KLF12: variants seen among roughly 807,000 people sequenced by gnomAD.
KLF12 encodes KLF transcription factor 12.
KLF12 carries 9 observed loss-of-function variants against 37.8 expected under a neutral mutation model. The ratio of observed to expected loss-of-function variants is 0.24; its 90% CI spans 0.14 to 0.42. The LOEUF (loss-of-function observed/expected upper bound fraction) is 0.42. Ranked by LOEUF, KLF12 falls within the 10% of genes least tolerant of loss-of-function variation. The pLI, the probability that KLF12 is intolerant of heterozygous loss-of-function variation, is 1.00. For synonymous variants in KLF12, 208 were observed against 202.1 expected (o/e 1.03, Z -0.25); for missense variants, 411 against 516.0 (o/e 0.80, Z 1.97).
At chr13:74,005,722 C>T (rs13378952) in intron 1 of KLF12, among the ~76,000 whole-genome samples, 11,374 of 152,218 alleles carry the variant, frequency 0.075, 648 homozygotes, top group African/African-American at 0.16. Flanking sequence ...AAGAGCCACA[C>T]AAAGGGCATG....
At chr13:73,938,255 A>C (rs1890035833) in intron 3 of KLF12, among the ~76,000 whole-genome samples, 1 of 152,204 alleles carries the variant, frequency 6.6e-6, no homozygotes, top group African/African-American at 2.4e-5. Flanking sequence ...CTAGATCGTT[A>C]GTGTAAAATT....
At chr13:73,719,289 G>A (rs887390282) in intron 6 of KLF12, among the ~76,000 whole-genome samples, 10 of 152,234 alleles carry the variant, frequency 6.6e-5, no homozygotes, top group African/African-American at 2.4e-4. Flanking sequence ...ATCCACAGTC[G>A]GCGGGCACTG....
At chr13:73,994,889 C>G in intron 2 of KLF12, 101 bp downstream of exon 2, 1 of 800,752 alleles carries the variant, frequency 1.2e-6, no homozygotes, top group South Asian at 1.4e-5. Flanking sequence ...ACCTCTGTCT[C>G]GTATTCACAC....
intron 7 of KLF12, among the ~76,000 whole-genome samples, chr13:73,696,185 TC>T (rs1874135833): frequency 1.3e-5 from 2 of 152,054 alleles, no homozygotes; most frequent in Non-Finnish European, 2.9e-5. Context: ...CTCTACTACC[TC>T]CAGATATCAG....
At chr13:73,809,504 T>C (rs544695797) in intron 5 of KLF12, among the ~76,000 whole-genome samples, 1 of 68,606 alleles carries the variant, frequency 1.5e-5, no homozygotes, top group South Asian at 6.8e-4. Flanking sequence ...TAAACCTATG[T>C]ACAGAATTTT....
At position 73,803,772 on chromosome 13, in the gene KLF12, T is replaced by TCACACA. The variant is rs4053528; in HGVS notation, c.806+9374_806+9379dup. Among the ~76,000 whole-genome samples, 833 of 142,026 alleles carry TCACACA rather than the reference T, an allele frequency of 5.9e-3. 3 individuals are homozygous for TCACACA. The highest frequency in any genetic ancestry group is 0.014 in the East Asian group (63 of 4,530). The allele number at this position is 142,026 out of a possible 152,430, so 93.2% of individuals were successfully genotyped here. A position where few individuals can be genotyped will look rare whatever the true frequency, so the allele number is the denominator to read the frequency against. On this transcript the variant is annotated intron_variant, in intron 5 of 7. Transcript: ENST00000377669. ...CTGAGCAGCACAACATACTGCAGAG[T>TCACACA]CACACACACACACACACACACACAC... is the stretch of plus-strand genomic sequence containing the variant.
At chr13:73,729,126 A>G (rs1876874240) in intron 6 of KLF12, among the ~76,000 whole-genome samples, 1 of 152,184 alleles carries the variant, frequency 6.6e-6, no homozygotes, top group Admixed American at 6.5e-5. Context: ...TCATATCACT[A>G]AAGTTTCACG....
chr13:74,215,181 A>C, the KLF12 span, among the ~76,000 whole-genome samples: 1 of 151,850 alleles, frequency 6.6e-6, no homozygotes, highest in East Asian at 1.9e-4. Context: ...TATCATTCGA[A>C]CCCACCTTTT....
intron 6 of KLF12, among the ~76,000 whole-genome samples, chr13:73,758,356 T>C (rs569968026): frequency 6.6e-6 from 1 of 152,304 alleles, no homozygotes; most frequent in East Asian, 1.9e-4. Context: ...TTAAATTTCC[T>C]CTGCTGTATA....
intron 3 of KLF12, among the ~76,000 whole-genome samples, chr13:73,938,410 C>T (rs1020554238): frequency 1.3e-5 from 2 of 152,122 alleles, no homozygotes; most frequent in Admixed American, 6.5e-5. Context: ...CTGCACCCGT[C>T]TATATTTCTT....
In KLF12 at chr13:73,695,444, C is replaced by T. The variant is rs773632605; in HGVS notation, c.*46G>A. On this transcript the variant is annotated 3_prime_UTR_variant, in exon 8 of 8. Coordinates refer to ENST00000377669, the MANE Select transcript of KLF12 (RefSeq NM_007249.5). Reference sequence around the variant, plus strand: ...GATTCAGCCCTGCTGAATTGGGTGCCGCTAAGAGATCCAGCTCTTACGCTC... The same window carrying T: ...GATTCAGCCCTGCTGAATTGGGTGCTGCTAAGAGATCCAGCTCTTACGCTC... 19 of 1,587,930 alleles carry T rather than the reference C, an allele frequency of 1.2e-5. No individual in the cohort carries two copies. The East Asian group carries it at 2.7e-4, about 23-fold the overall frequency.
intron 5 of KLF12, among the ~76,000 whole-genome samples, chr13:73,776,736 C>A (rs1047485045): frequency 3.3e-5 from 5 of 152,112 alleles, no homozygotes; most frequent in African/African-American, 7.2e-5. Context: ...ACTATATTAA[C>A]AAAATAGCCA....
At chr13:74,154,418 T>C in the KLF12 span, among the ~76,000 whole-genome samples, 2 of 152,240 alleles carry the variant, frequency 1.3e-5, no homozygotes, top group Non-Finnish European at 2.9e-5. Context: ...GTTCGATTTT[T>C]GTTTATATAC....
At position 74,000,468 on chromosome 13, in the gene KLF12, G is replaced by A. The variant is rs568620812; in HGVS notation, c.-31-5415C>T. ...TAAAGATCCCCTTGGAATTCTGTTC[G>A]TTGCATAAGTCGACTTAAAATACTT... is the stretch of plus-strand genomic sequence containing the variant. On this transcript the variant is annotated intron_variant, in intron 1 of 7. Coordinates refer to ENST00000377669, the MANE Select transcript of KLF12 (RefSeq NM_007249.5). Among the ~76,000 whole-genome samples the A allele has an allele frequency of 1.2e-3, 176 of 152,262 alleles. 1 individual carries two copies. The highest frequency in any genetic ancestry group is 3.9e-3 in the African/African-American group (161 of 41,556).
At chr13:74,162,924 A>G in the KLF12 span, among the ~76,000 whole-genome samples, 1 of 152,214 alleles carries the variant, frequency 6.6e-6, no homozygotes, top group African/African-American at 2.4e-5. Flanking sequence ...AACAACAATA[A>G]AAAGAACAAA....
At chr13:74,042,372 G>GTCAC (rs1186788931) in intron 1 of KLF12, among the ~76,000 whole-genome samples, 1 of 151,896 alleles carries the variant, frequency 6.6e-6, no homozygotes, top group Non-Finnish European at 1.5e-5. Flanking sequence ...AATAGATAAG[G>GTCAC]TCACACGTGC....
chr13:73,788,216 T>A (rs111325088), intron 5 of KLF12, among the ~76,000 whole-genome samples: 2 of 152,288 alleles, frequency 1.3e-5, no homozygotes, highest in East Asian at 3.9e-4. Flanking sequence ...TTATGGAAAA[T>A]TTGGCAAATG....
At chr13:73,784,191 A>G (rs1398635142) in intron 5 of KLF12, among the ~76,000 whole-genome samples, 1 of 152,158 alleles carries the variant, frequency 6.6e-6, no homozygotes, top group Admixed American at 6.5e-5. Flanking sequence ...TGGGTGGCCT[A>G]TATCTTACTG....
At chr13:73,884,714 T>G (rs982462006) in intron 3 of KLF12, among the ~76,000 whole-genome samples, 2 of 152,252 alleles carry the variant, frequency 1.3e-5, no homozygotes, top group African/African-American at 4.8e-5. Flanking sequence ...CTAATATGAC[T>G]GAAGAGTTTT....
Sources: allele counts gnomAD v4.1 joint callset (sites outside exome capture counted in the v4.1 genomes callset), GRCh38; gene constraint gnomAD v4.1.1; transcripts MANE v1.5; gene names NCBI Gene and HGNC (gene_info 2026-07-23, HGNC 2026-07-21).